Variants in BRCC3 observed in about 807,000 individuals in gnomAD.
The protein encoded by BRCC3 is BRCA1/BRCA2-containing complex subunit 3.
Under a neutral mutation model 28.0 loss-of-function variants are expected in BRCC3, and 15 were observed. The ratio of observed to expected loss-of-function variants is 0.54; its 90% CI spans 0.36 to 0.82. The LOEUF (loss-of-function observed/expected upper bound fraction) is 0.82. Ranked by LOEUF, BRCC3 falls within the 40% of genes least tolerant of loss-of-function variation. The pLI is 0.01. For missense variants in BRCC3, 109 were observed against 225.9 expected, an observed-to-expected ratio of 0.48 and a Z score of 3.32; for synonymous variants, 66 against 80.3, an observed-to-expected ratio of 0.82 and a Z score of 0.95.
intron 10 of BRCC3, among the ~76,000 whole-genome samples, chrX:155,120,830 A>C (rs2074384663): frequency 8.9e-6 from 1 of 111,936 alleles, no homozygotes; most frequent in Admixed American, 9.5e-5. Context: ...AGGATTGAGG[A>C]TATAATAAAA....
chrX:155,103,487 A>G (rs1233583479), intron 7 of BRCC3, among the ~76,000 whole-genome samples: 2 of 112,073 alleles, frequency 1.8e-5, no homozygotes, highest in African/African-American at 6.5e-5. Context: ...CTATAAAGAT[A>G]TTTCTCCGCT....
intron 2 of BRCC3, 83 bp downstream of exon 2, chrX:155,072,426 G>A: frequency 1.3e-6 from 1 of 745,866 alleles, no homozygotes; most frequent in Non-Finnish European, 2.0e-6. Flanking sequence ...GCAGTATTGT[G>A]TCCGGATCGT....
intron 7 of BRCC3, among the ~76,000 whole-genome samples, chrX:155,107,195 G>C (rs1172146125): frequency 9.0e-6 from 1 of 110,821 alleles, no homozygotes; most frequent in African/African-American, 3.3e-5. Context: ...AGCATTTGGA[G>C]TTTGGAATTT....
intron 7 of BRCC3, among the ~76,000 whole-genome samples, chrX:155,098,214 T>G (rs2074223685): frequency 8.9e-6 from 1 of 112,323 alleles, no homozygotes. Flanking sequence ...ATTTTCCTCT[T>G]CACTCTGGGC....
chrX:155,072,326 G>A lies in BRCC3; in HGVS notation c.124-1G>A. 8.3e-7 allele frequency: 1 copy of A among 1,198,588 alleles called. No homozygotes were observed. The highest frequency in any genetic ancestry group is 1.1e-6 in the Non-Finnish European group (1 of 884,470). ...ATGTTTTTTGCTTTTTCCCACTCTAGTTGAACGATGATACAAGGTAAGACT... is the reference window on the plus strand; with the variant it reads ...ATGTTTTTTGCTTTTTCCCACTCTAATTGAACGATGATACAAGGTAAGACT... On this transcript the variant is annotated splice_acceptor_variant, in intron 1 of 10. Coordinates refer to ENST00000330045, the MANE Select transcript of BRCC3 (RefSeq NM_001018055.3). LOFTEE classifies it high-confidence loss of function.
intron 3 of BRCC3, among the ~76,000 whole-genome samples, chrX:155,074,346 C>G (rs914497833): frequency 8.9e-6 from 1 of 112,314 alleles, no homozygotes; most frequent in African/African-American, 3.2e-5. Context: ...GCTACAATTA[C>G]TACTCCTTCA....
chrX:155,119,876 ACTT>A, intron 9 of BRCC3, 120 bp from the exon 10 acceptor site: 1 of 555,112 alleles, frequency 1.8e-6, no homozygotes, highest in Non-Finnish European at 2.8e-6. Flanking sequence ...CACTTTTTCT[ACTT>A]CCTTCTCCAA....
chrX:155,116,585 A>G (rs1041362167), intron 8 of BRCC3, 126 bp from the exon 9 acceptor site: 5 of 420,423 alleles, frequency 1.2e-5, no homozygotes, highest in Non-Finnish European at 2.1e-5. Context: ...AATCATCAAG[A>G]AGTTGATATT....
chrX:155,073,539 T>C, intron 3 of BRCC3, 108 bp downstream of exon 3: 3 of 914,917 alleles, frequency 3.3e-6, no homozygotes, highest in Non-Finnish European at 4.6e-6. Flanking sequence ...TGAGATATTC[T>C]TTCTAGTAAA....
intron 5 of BRCC3, among the ~76,000 whole-genome samples, chrX:155,083,162 C>G (rs1173767104): frequency 8.9e-6 from 1 of 112,320 alleles, no homozygotes; most frequent in African/African-American, 3.2e-5. Context: ...CTCAGCCTGT[C>G]CATTTGTTGA....
At chrX:155,085,614 G>A (rs1281864919) in intron 5 of BRCC3, among the ~76,000 whole-genome samples, 3 of 112,607 alleles carry the variant, frequency 2.7e-5, no homozygotes, top group Non-Finnish European at 3.8e-5. Flanking sequence ...TTATCCCTGG[G>A]TCTGAAGTCA....
At chrX:155,107,424 C>A (rs1317973651) in intron 7 of BRCC3, among the ~76,000 whole-genome samples, 8 of 110,215 alleles carry the variant, frequency 7.3e-5, no homozygotes, top group African/African-American at 2.6e-4. Flanking sequence ...CTCCCTAATG[C>A]CCTCAGAATA....
At chrX:155,075,929 C>G (rs782424085) in intron 3 of BRCC3, among the ~76,000 whole-genome samples, 1 of 112,040 alleles carries the variant, frequency 8.9e-6, no homozygotes, top group Non-Finnish European at 1.9e-5. Context: ...TACTTCCATT[C>G]GGCACCTGTA....
At chrX:155,074,181 C>T (rs1345018151) in intron 3 of BRCC3, among the ~76,000 whole-genome samples, 1 of 112,264 alleles carries the variant, frequency 8.9e-6, no homozygotes, top group African/African-American at 3.2e-5. Context: ...TGTCTCTTTT[C>T]TGGGTCTTCT....
chrX:155,073,477 A>G, intron 3 of BRCC3, 46 bp downstream of exon 3: 1 of 1,149,013 alleles, frequency 8.7e-7, no homozygotes, highest in Non-Finnish European at 1.2e-6. Context: ...CAGTTGGGGA[A>G]AGATTTCTGT....
At chrX:155,118,448 G>T (rs2074370864) in intron 9 of BRCC3, among the ~76,000 whole-genome samples, 1 of 111,519 alleles carries the variant, frequency 9.0e-6, no homozygotes, top group Non-Finnish European at 1.9e-5. Context: ...GTTTGAGGGT[G>T]GTGGAAATGG....
intron 7 of BRCC3, among the ~76,000 whole-genome samples, chrX:155,115,750 T>A (rs1217800084): frequency 8.9e-6 from 1 of 112,006 alleles, no homozygotes; most frequent in Non-Finnish European, 1.9e-5. Flanking sequence ...ATTAATTAGC[T>A]ATTTCCCCTG....
rs1557298741 is a variant in BRCC3 at position 155,116,230 on chromosome X, T to C, written c.680+42T>C. On this transcript the variant is annotated intron_variant, in intron 8 of 10. Coordinates refer to ENST00000330045, the MANE Select transcript of BRCC3 (RefSeq NM_001018055.3). ...CTCCTCTTCTCTACTTCTCAGGACCTAGTCTCTCTTTTCTTCTTCTGTCCT... is the reference window on the plus strand; with the variant it reads ...CTCCTCTTCTCTACTTCTCAGGACCCAGTCTCTCTTTTCTTCTTCTGTCCT... 1.3e-5 allele frequency: 15 copies of C among 1,123,544 alleles called. No homozygotes were observed. The East Asian group carries it at 5.0e-4, about 37-fold the overall frequency. The allele number at this position is 1,123,544 out of a possible 1,213,427, so 92.6% of individuals were successfully genotyped here. A position where few individuals can be genotyped will look rare whatever the true frequency, so the allele number is the denominator to read the frequency against.
chrX:155,089,237 A>C lies in BRCC3; in HGVS notation c.404-26A>C, dbSNP rs201427873. ...GTGAGACACAGCTTATTGACAGAAG[A>C]TTTTTAAATTTTCATTTATTTTCAG... On this transcript the variant is annotated intron_variant, in intron 5 of 10. Coordinates refer to ENST00000330045, the MANE Select transcript of BRCC3 (RefSeq NM_001018055.3). The C allele has an allele frequency of 5.0e-4, 539 of 1,082,712 alleles. 1 individual carries two copies. The highest frequency in any genetic ancestry group is 4.1e-4 in the Non-Finnish European group (330 of 798,304). 89.2% of individuals were successfully genotyped at this position (1,082,712 alleles called of 1,213,427 possible).
Sources: allele counts gnomAD v4.1 joint callset (sites outside exome capture counted in the v4.1 genomes callset), GRCh38; gene constraint gnomAD v4.1.1; transcripts MANE v1.5; gene names NCBI Gene and HGNC (gene_info 2026-07-23, HGNC 2026-07-21).